Variants in MAML2 observed in about 807,000 individuals in gnomAD.
MAML2 encodes mastermind like transcriptional coactivator 2.
Under a neutral mutation model 96.1 loss-of-function variants are expected in MAML2, and 22 were observed. The ratio of observed to expected loss-of-function variants is 0.23; its 90% CI spans 0.16 to 0.33. The LOEUF is 0.33. Among genes scored for constraint, MAML2 ranks in the 10% least tolerant of loss-of-function variants. The pLI is 1.00. For missense variants in MAML2, 1,367 were observed against 1,392.4 expected (o/e 0.98, Z 0.29); for synonymous variants, 561 against 521.3 (o/e 1.08, Z -1.04).
rs766634690 is a variant in MAML2, at chr11:96,034,456, A to AGAGTGTGT, written c.2140-42734_2140-42733insACACACTC. ...GTGAGAGAGAGAGAGAGAGAGAGAGAGTGTGTGTGTGTGTGTGTGTCAGAG... is the reference window on the plus strand; with the variant it reads ...GTGAGAGAGAGAGAGAGAGAGAGAGAGAGTGTGTGTGTGTGTGTGTGTGTGTGTCAGAG... On this transcript the variant is annotated intron_variant, in intron 2 of 4. Coordinates refer to ENST00000524717, the MANE Select transcript of MAML2 (RefSeq NM_032427.4). Among the ~76,000 whole-genome samples, 272 of 144,824 alleles carry AGAGTGTGT rather than the reference A, an allele frequency of 1.9e-3. 1 individual carries two copies. Among genetic ancestry groups the AGAGTGTGT allele is most frequent in the African/African-American group, 6.2e-3 (238 of 38,082 alleles).
At position 96,341,629 on chromosome 11, in the gene MAML2, A is replaced by T; in HGVS notation, c.267T>A (p.Ala89=). ...LVQHGQGARK[A]GKHTKATATA... ...TGGCGGTGGCCTTGGTGTGTTTGCC[A>T]GCTTTCCTTGCCCCCTGGCCATGCT... Residue 89 remains alanine, a synonymous_variant, in exon 1 of 5, where the codon GCT becomes GCA. Transcript: ENST00000524717. 6.4e-7 allele frequency: 1 copy of T among 1,553,936 alleles called. No individual in the cohort carries two copies. The highest frequency in any genetic ancestry group is 1.2e-5 in the South Asian group (1 of 84,340).
chr11:96,043,223 A>T (rs1858845175), intron 2 of MAML2, among the ~76,000 whole-genome samples: 2 of 152,252 alleles, frequency 1.3e-5, no homozygotes, highest in Admixed American at 1.3e-4. Flanking sequence ...AACACAAAAG[A>T]TCAGACACAT....
Position 96,257,177 on chromosome 11 carries a change from A to G in MAML2, c.513+84206T>C, listed in dbSNP as rs527714009. Among the ~76,000 whole-genome samples the G allele has an allele frequency of 8.5e-5, 13 of 152,346 alleles. No homozygotes were observed. The East Asian group carries it at 1.5e-3, about 18-fold the overall frequency. On this transcript the variant is annotated intron_variant, in intron 1 of 4. Transcript: ENST00000524717. ...GTAGACAAATGTTGCAATTTATTTA[A>G]GCTTTGTTTTATTGTCAAATTTCCT...
At chr11:96,251,433 G>A (rs746023543) in intron 1 of MAML2, among the ~76,000 whole-genome samples, 1 of 152,194 alleles carries the variant, frequency 6.6e-6, no homozygotes, top group Non-Finnish European at 1.5e-5. Flanking sequence ...ATGGGAAAGT[G>A]TATTGTGAGA....
At chr11:95,991,940 G>A (rs1857920868) in intron 2 of MAML2, among the ~76,000 whole-genome samples, 1 of 152,168 alleles carries the variant, frequency 6.6e-6, no homozygotes, top group South Asian at 2.1e-4. Flanking sequence ...TTAGGGCACT[G>A]GAAAAGCTCC....
chr11:96,191,274 A>G lies in MAML2; in HGVS notation c.514-97757T>C, dbSNP rs1565243344. Among the ~76,000 whole-genome samples the G allele has an allele frequency of 2.0e-5, 3 of 150,490 alleles. No individual in the cohort carries two copies. In the South Asian group the frequency reaches 6.4e-4, roughly 32 times the overall value. On this transcript the variant is annotated intron_variant, in intron 1 of 4. Transcript: ENST00000524717. The stretch of plus-strand genomic sequence containing the variant: ...AGGTCAAGAGATTGAGACAATCCTG[A>G]CCAACACGGTGAAACCCCATCTCTA...
At chr11:96,100,459 A>C (rs1859907206) in intron 1 of MAML2, among the ~76,000 whole-genome samples, 1 of 151,602 alleles carries the variant, frequency 6.6e-6, no homozygotes, top group Non-Finnish European at 1.5e-5. Flanking sequence ...AAAGGTGTGC[A>C]CCACCACATC....
chr11:96,072,545 G>A (rs1025281757), intron 2 of MAML2, among the ~76,000 whole-genome samples: 3 of 152,184 alleles, frequency 2.0e-5, no homozygotes, highest in Admixed American at 6.5e-5. Context: ...ACCTAAATTT[G>A]AGTATTTACA....
intron 1 of MAML2, among the ~76,000 whole-genome samples, chr11:96,278,439 T>G (rs1472819664): frequency 6.6e-6 from 1 of 152,220 alleles, no homozygotes; most frequent in East Asian, 1.9e-4. Flanking sequence ...TTAAGAAGCT[T>G]ACAATGTAGT....
At chr11:96,228,340 A>G (rs1016030870) in intron 1 of MAML2, among the ~76,000 whole-genome samples, 18 of 152,114 alleles carry the variant, frequency 1.2e-4, no homozygotes, top group Non-Finnish European at 1.9e-4. Flanking sequence ...TCTTTAATTT[A>G]TCTTGCTTTT....
At chr11:96,161,097 A>AGTAGGAATGTCACT (rs1861096867) in intron 1 of MAML2, among the ~76,000 whole-genome samples, 2 of 152,242 alleles carry the variant, frequency 1.3e-5, no homozygotes, top group Non-Finnish European at 2.9e-5. Flanking sequence ...GTCAATGAAA[A>AGTAGGAATGTCACT]GTAGGAATGT....
At chr11:96,277,687 G>A (rs1474938573) in intron 1 of MAML2, among the ~76,000 whole-genome samples, 3 of 145,348 alleles carry the variant, frequency 2.1e-5, no homozygotes, top group South Asian at 2.1e-4. Flanking sequence ...GCAGTGAGCC[G>A]AGATCATGCC....
intron 1 of MAML2, among the ~76,000 whole-genome samples, chr11:96,184,830 C>G (rs1029986388): frequency 1.7e-4 from 26 of 152,026 alleles, no homozygotes; most frequent in Middle Eastern, 3.2e-3. Flanking sequence ...ACCTCGTGAT[C>G]CAAAAGTGAG....
Position 96,152,943 on chromosome 11 carries a change from A to G in MAML2, c.514-59426T>C, listed in dbSNP as rs1341226476. On this transcript the variant is annotated intron_variant, in intron 1 of 4. Transcript: ENST00000524717. ...CATCTATCTCTCTCAAGGTGGAGGAACCAAGGAGGACACTGCAGTTATATT... is the reference window on the plus strand; with the variant it reads ...CATCTATCTCTCTCAAGGTGGAGGAGCCAAGGAGGACACTGCAGTTATATT... Among the ~76,000 whole-genome samples, 4 of 152,308 alleles carry G rather than the reference A, an allele frequency of 2.6e-5. 1 individual carries two copies. The South Asian group carries it at 8.3e-4, about 32-fold the overall frequency.
chr11:96,026,423 C>A (rs923059101), intron 2 of MAML2, among the ~76,000 whole-genome samples: 1 of 152,200 alleles, frequency 6.6e-6, no homozygotes, highest in Non-Finnish European at 1.5e-5. Context: ...CTTTGGCCAT[C>A]ATTTTAAGTC....
At chr11:96,021,455 G>A (rs61902467) in intron 2 of MAML2, among the ~76,000 whole-genome samples, 38,068 of 152,100 alleles carry the variant, frequency 0.25, 5,117 homozygotes, top group South Asian at 0.41. Flanking sequence ...GAATGCCTGC[G>A]GCTCTCTGTC....
At chr11:96,164,077 T>C (rs997796287) in intron 1 of MAML2, among the ~76,000 whole-genome samples, 8 of 151,962 alleles carry the variant, frequency 5.3e-5, no homozygotes, top group African/African-American at 1.7e-4. Flanking sequence ...GATTTCACCA[T>C]GTTGGCCAAG....
chr11:96,091,776 C>T (rs1859709943), intron 2 of MAML2, 116 bp downstream of exon 2: 4 of 1,423,226 alleles, frequency 2.8e-6, no homozygotes, highest in African/African-American at 2.9e-5. Flanking sequence ...TCCATCAAGA[C>T]CACTACTGTC....
chr11:96,043,553 G>A (rs1474580140), intron 2 of MAML2, among the ~76,000 whole-genome samples: 1 of 152,220 alleles, frequency 6.6e-6, no homozygotes, highest in African/African-American at 2.4e-5. Flanking sequence ...CACACAGATG[G>A]TAAAGTAATT....
Sources: allele counts gnomAD v4.1 joint callset (sites outside exome capture counted in the v4.1 genomes callset), GRCh38; gene constraint gnomAD v4.1.1; transcripts MANE v1.5; gene names NCBI Gene and HGNC (gene_info 2026-07-23, HGNC 2026-07-21).